ACAT1: variants seen among roughly 807,000 people sequenced by gnomAD.
The protein encoded by ACAT1 is acetyl-CoA acetyltransferase 1, also known as acetyl-CoA acetyltransferase, mitochondrial.
Under a neutral mutation model 47.3 loss-of-function variants are expected in ACAT1, and 28 were observed. That is an observed-to-expected ratio of 0.59 (90% CI 0.44 to 0.81). The LOEUF is 0.81. Ranked by LOEUF, ACAT1 falls within the 30% of genes least tolerant of loss-of-function variation. The pLI is 0.00. For missense variants in ACAT1, 469 were observed against 524.3 expected (o/e 0.89, Z 1.03); for synonymous variants, 181 against 173.6 (o/e 1.04, Z -0.34).
At chr11:108,134,367 G>T in intron 4 of ACAT1, 51 bp downstream of exon 4, 2 of 1,448,524 alleles carry the variant, frequency 1.4e-6, no homozygotes, top group South Asian at 1.1e-5. Context: ...AAAAGGGGCC[G>T]GGTGCGGTGG....
In ACAT1 at chr11:108,146,217, G is replaced by A; in HGVS notation, c.1021G>A (p.Gly341Arg). The change falls in exon 11 of 12, where the codon GGA becomes AGA. Residue 341 changes from glycine (G) to arginine (R), a missense_variant. Transcript: ENST00000265838. ...YAASMVLKDV[G>R]LKKEDIAMWE... ...AAAATTTAAGGTTCTTAAAGATGTG[G>A]GATTGAAAAAAGAAGATATTGCAAT... 1 of 1,612,320 alleles carries A rather than the reference G, an allele frequency of 6.2e-7. No homozygotes were observed. Among genetic ancestry groups the A allele is most frequent in the Non-Finnish European group, 8.5e-7 (1 of 1,178,784 alleles).
In ACAT1 at chr11:108,134,292, A is replaced by T; in HGVS notation, c.310A>T (p.Thr104Ser). 1 of 1,613,644 alleles carries T rather than the reference A, an allele frequency of 6.2e-7. No individual in the cohort carries two copies. The highest frequency in any genetic ancestry group is 1.1e-5 in the South Asian group (1 of 91,088). Residue 104 changes from threonine to serine, a missense_variant, in exon 4 of 12, where the codon ACA becomes TCA. By Grantham distance (58) the Thr-to-Ser change is moderately conservative. Coordinates refer to ENST00000265838, the MANE Select transcript of ACAT1 (RefSeq NM_000019.4). ...ACAAGGAGGTGAAGGACAAGCTCCT[A>T]CAAGGCAGGCAGTATTGGGTGCAGG... Reference protein sequence around the residue: ...VLQGGEGQAPTRQAVLGAGLP... With the variant: ...VLQGGEGQAPSRQAVLGAGLP...
Position 108,147,579 on chromosome 11 carries a change from G to C in ACAT1, c.*189G>C. ...AAATTAAAAATAAATTTCTTCTTCT[G>C]CTTTTTTCTTGGTAACCTTGAAAAG... On this transcript the variant is annotated 3_prime_UTR_variant, in exon 12 of 12. Coordinates refer to ENST00000265838, the MANE Select transcript of ACAT1 (RefSeq NM_000019.4). 1.3e-6 allele frequency: 1 copy of C among 782,100 alleles called. No individual in the cohort carries two copies. Among genetic ancestry groups the C allele is most frequent in the South Asian group, 1.8e-5 (1 of 54,814 alleles). 48.4% of individuals were successfully genotyped at this position (782,100 alleles called of 1,614,324 possible). A position where few individuals can be genotyped will look rare whatever the true frequency, so the allele number is the denominator to read the frequency against.
rs550021666 is a variant in ACAT1, at chr11:108,124,879, G to A, written c.72+3201G>A. 2.7e-4 allele frequency among the ~76,000 whole-genome samples: 41 copies of A among 152,288 alleles called. 1 individual carries two copies. In the South Asian group the frequency reaches 7.5e-3, roughly 28 times the overall value. ...TCTTTTCCTGGATCTTTCCAAGGAT[G>A]ACTCTTTAACATTCATTTCTCAGCT... On this transcript the variant is annotated intron_variant, in intron 1 of 11. Coordinates refer to ENST00000265838, the MANE Select transcript of ACAT1 (RefSeq NM_000019.4).
chr11:108,120,642 C>T (rs2077131195), upstream of ACAT1, among the ~76,000 whole-genome samples: 1 of 152,180 alleles, frequency 6.6e-6, no homozygotes, highest in African/African-American at 2.4e-5. Flanking sequence ...GTGGGTATGG[C>T]TTGTCTCTGC....
At chr11:108,146,452 G>A (rs2077711964) in intron 11 of ACAT1, 93 bp downstream of exon 11, 9 of 1,463,704 alleles carry the variant, frequency 6.1e-6, no homozygotes, top group Non-Finnish European at 8.5e-6. Context: ...TTGCTCTTAA[G>A]TTTTCCTTCC....
chr11:108,125,935 A>AG (rs1245178972), intron 1 of ACAT1, among the ~76,000 whole-genome samples: 8 of 151,842 alleles, frequency 5.3e-5, no homozygotes, highest in Non-Finnish European at 8.8e-5. Context: ...AAAAAAAAAA[A>AG]AAAAGAAAAG....
At chr11:108,132,230 C>T (rs1040425158) in intron 2 of ACAT1, among the ~76,000 whole-genome samples, 1 of 152,026 alleles carries the variant, frequency 6.6e-6, no homozygotes, top group Non-Finnish European at 1.5e-5. Context: ...CACAGGGACT[C>T]GCATTGTATT....
At chr11:108,147,124 A>AAGTT in intron 11 of ACAT1, 146 bp from the exon 12 acceptor site, 1 of 945,696 alleles carries the variant, frequency 1.1e-6, no homozygotes, top group Non-Finnish European at 1.6e-6. Flanking sequence ...CAAGTCCTCC[A>AAGTT]AGTTTTAGTT....
At chr11:108,122,620 A>G (rs1024685524) in intron 1 of ACAT1, among the ~76,000 whole-genome samples, 2 of 152,254 alleles carry the variant, frequency 1.3e-5, no homozygotes, top group East Asian at 1.9e-4. Context: ...GAGCTTTGCA[A>G]GAGATTGTAA....
chr11:108,146,143 TG>T lies in ACAT1; in HGVS notation c.1006-58del, dbSNP rs2077703057. On this transcript the variant is annotated intron_variant, in intron 10 of 11. Coordinates refer to ENST00000265838, the MANE Select transcript of ACAT1 (RefSeq NM_000019.4). ...AAACTGTAGTATTTCAAGGAAATGA[TG>T]ACAGTAAGTTGTGATTGCTAATTAT... 3 of 1,366,766 alleles carry T rather than the reference TG, an allele frequency of 2.2e-6. No homozygotes were observed. In the East Asian group the frequency reaches 6.9e-5, roughly 31 times the overall value. 84.7% of individuals were successfully genotyped at this position (1,366,766 alleles called of 1,614,324 possible). A position where few individuals can be genotyped will look rare whatever the true frequency, so the allele number is the denominator to read the frequency against.
chr11:108,121,767 C>T (rs1442017314), intron 1 of ACAT1, 89 bp downstream of exon 1: 5 of 1,457,874 alleles, frequency 3.4e-6, no homozygotes, highest in Non-Finnish European at 4.7e-6. Context: ...GTTGCGGCTC[C>T]CGCGGCCCGG....
chr11:108,142,438 C>G lies in ACAT1; in HGVS notation c.828C>G (p.Gly276=). 1 of 1,613,482 alleles carries G rather than the reference C, an allele frequency of 6.2e-7. No homozygotes were observed. Among genetic ancestry groups the G allele is most frequent in the African/African-American group, 1.3e-5 (1 of 75,032 alleles). The change falls in exon 9 of 12, where the codon GGC becomes GGG. Residue 276 remains glycine, a splice_region_variant and synonymous_variant. Transcript: ENST00000265838. The stretch of plus-strand genomic sequence containing the variant: ...CTTCAACCTCATTTTTGCTTTCAGG[C>G]ACAGTAACAGCTGCCAATGCCAGTA... ...KLKTVFQKEN[G]TVTAANASTL... is the part of the protein sequence containing the mutation.
chr11:108,138,717 A>G, intron 5 of ACAT1, 181 bp from the exon 6 acceptor site: 1 of 720,650 alleles, frequency 1.4e-6, no homozygotes. Context: ...TCATTATATT[A>G]TTTAACACCA....
At chr11:108,141,938 A>G (rs1434955967) in intron 8 of ACAT1, among the ~76,000 whole-genome samples, 1 of 152,168 alleles carries the variant, frequency 6.6e-6, no homozygotes, top group Non-Finnish European at 1.5e-5. Context: ...GCAGTCTATG[A>G]TAGGGTCTTC....
chr11:108,125,396 G>A (rs2077229193), intron 1 of ACAT1, among the ~76,000 whole-genome samples: 1 of 152,316 alleles, frequency 6.6e-6, no homozygotes, highest in South Asian at 2.1e-4. Context: ...AGGAGCGCTA[G>A]GCACTGTGCT....
intron 6 of ACAT1, among the ~76,000 whole-genome samples, chr11:108,139,666 T>C (rs2077547612): frequency 6.6e-6 from 1 of 152,058 alleles, no homozygotes; most frequent in Non-Finnish European, 1.5e-5. Flanking sequence ...ATATATGTTA[T>C]TATTATTTTT....
chr11:108,144,354 G>A, intron 10 of ACAT1: 1 of 372,064 alleles, frequency 2.7e-6, no homozygotes, highest in South Asian at 3.3e-5. Flanking sequence ...AGGGAATGCT[G>A]GCTGATGGTT....
chr11:108,142,305 A>C (rs2077605724), intron 8 of ACAT1, 132 bp from the exon 9 acceptor site: 2 of 731,732 alleles, frequency 2.7e-6, no homozygotes, highest in Admixed American at 4.0e-5. Flanking sequence ...TCCTGAGGGC[A>C]GGAATTGTCT....
Sources: gnomAD v4.1 joint callset for allele counts (sites outside exome capture counted in the v4.1 genomes callset) on GRCh38, gnomAD v4.1.1 for gene constraint, MANE v1.5 for transcripts, NCBI Gene and HGNC (gene_info 2026-07-23, HGNC 2026-07-21) for gene names.